Variants in ENO4 observed in about 807,000 individuals in gnomAD.
The protein encoded by ENO4 is 2-phospho-D-glycerate hydro-lyase.
A neutral mutation model predicts 63.2 loss-of-function variants in ENO4; 53 were observed. The ratio of observed to expected loss-of-function variants is 0.84; its 90% CI spans 0.67 to 1.05. ENO4 has a LOEUF of 1.05. Ranked by LOEUF, ENO4 falls within the 50% of genes least tolerant of loss-of-function variation. The pLI is 0.00. For synonymous variants in ENO4, 266 were observed against 283.8 expected (o/e 0.94, Z 0.63); for missense variants, 719 against 772.0 (o/e 0.93, Z 0.81).
At chr10:116,871,882 T>G (rs1187455795) in intron 9 of ENO4, among the ~76,000 whole-genome samples, 1 of 151,840 alleles carries the variant, frequency 6.6e-6, no homozygotes, top group Non-Finnish European at 1.5e-5. Flanking sequence ...CTAAAGAGAG[T>G]GAAAAACAGG....
At chr10:116,900,490 A>G (rs1564865662) in intron 10 of ENO4, 1 of 1,465,774 alleles carries the variant, frequency 6.8e-7, no homozygotes, top group East Asian at 2.5e-5. Context: ...TTGGAGAACA[A>G]AAGGCAGACA....
chr10:116,865,280 C>T (rs1464565073), intron 7 of ENO4, among the ~76,000 whole-genome samples: 6 of 151,992 alleles, frequency 3.9e-5, no homozygotes, highest in Admixed American at 1.3e-4. Context: ...CTCTGCTTTC[C>T]GGGTTCAAGC....
intron 1 of ENO4, among the ~76,000 whole-genome samples, chr10:116,854,940 C>CAAAAAAAAAAAA (rs71013620): frequency 9.6e-5 from 4 of 41,524 alleles, no homozygotes; most frequent in Admixed American, 4.3e-4. Flanking sequence ...GACCCTGTCT[C>CAAAAAAAAAAAA]AAAAAAAAAA....
chr10:116,883,435 T>A (rs569818658), downstream of ENO4: 6 of 152,236 alleles, frequency 3.9e-5, no homozygotes, highest in Non-Finnish European at 8.8e-5. Flanking sequence ...ATGCAGGGAC[T>A]GCTTGATGAG....
At chr10:116,881,430 T>C (rs1847006016) in intron 13 of ENO4, 85 bp from the exon 14 acceptor site, 1 of 1,079,794 alleles carries the variant, frequency 9.3e-7, no homozygotes, top group Admixed American at 2.8e-5. Flanking sequence ...GGACTAGTAC[T>C]GAAGATGATC....
At chr10:116,868,176 C>G (rs1378567427) in intron 7 of ENO4, among the ~76,000 whole-genome samples, 2 of 152,192 alleles carry the variant, frequency 1.3e-5, no homozygotes, top group Admixed American at 1.3e-4. Flanking sequence ...CAAAACCACC[C>G]TGCAGGAGAA....
chr10:116,882,347 T>C lies in ENO4; in HGVS notation c.*678T>C, dbSNP rs891296929. ...AATGAATTAATATTCTCAAGGTTAT[T>C]AAATGCCCAGTTATTCATACCACAG... On this transcript the variant is annotated 3_prime_UTR_variant, in exon 14 of 14. Transcript: ENST00000341276. 43 of 150,934 alleles carry C rather than the reference T, an allele frequency of 2.8e-4. No individual in the cohort carries two copies. Among genetic ancestry groups the C allele is most frequent in the African/African-American group, 1.0e-3 (42 of 40,902 alleles). 9.3% of individuals were successfully genotyped at this position (150,934 alleles called of 1,614,324 possible).
chr10:116,911,486 T>C (rs1478513353), intron 10 of ENO4: 4 of 1,550,316 alleles, frequency 2.6e-6, no homozygotes, highest in African/African-American at 2.7e-5. Flanking sequence ...TACGGACCCT[T>C]ACATATGGCC....
At chr10:116,864,999 A>G (rs1472613288) in intron 7 of ENO4, among the ~76,000 whole-genome samples, 1 of 151,874 alleles carries the variant, frequency 6.6e-6, no homozygotes, top group Non-Finnish European at 1.5e-5. Flanking sequence ...CAGCCTGGGC[A>G]ATAGAGTGAG....
chr10:116,881,569 C>T lies in ENO4; in HGVS notation c.1778C>T (p.Ala593Val), dbSNP rs905832855. The T allele has an allele frequency of 4.6e-5, 71 of 1,549,912 alleles. No homozygotes were observed. The highest frequency in any genetic ancestry group is 5.9e-5 in the Admixed American group (3 of 50,900). The change falls in exon 14 of 14, where the codon GCG (alanine) becomes GTG (valine). Residue 593 changes from alanine (A) to valine (V), a missense_variant. Ala to Val is a moderately conservative substitution (Grantham distance 64, BLOSUM62 0). Coordinates refer to ENST00000341276, the MANE Select transcript of ENO4 (RefSeq NM_001242699.2). The stretch of plus-strand genomic sequence containing the variant: ...TTTAATGAGGAAGCTGAAAAGGCTG[C>T]GGAGGCACTTGAGGCTGCTGCGGCT... ...FYFNEEAEKA[A>V]EALEAAAARE...
chr10:116,859,389 C>T (rs552321036), intron 4 of ENO4, among the ~76,000 whole-genome samples: 51 of 152,150 alleles, frequency 3.4e-4, no homozygotes, highest in African/African-American at 1.1e-3. Context: ...GTGCATTGAG[C>T]GGTGCCAAAT....
At chr10:116,899,506 G>GGTGTGTGTGTGTGTGTGTGTGTGTGTGT (rs370396879) in intron 10 of ENO4, among the ~76,000 whole-genome samples, 14 of 124,578 alleles carry the variant, frequency 1.1e-4, no homozygotes, top group African/African-American at 3.8e-4. Flanking sequence ...GGCTGGGGCT[G>GGTGTGTGTGTGTGTGTGTGTGTGTGTGT]GTGTGTGTGT....
In ENO4 at chr10:116,862,888, C is replaced by T. The variant is rs775252733; in HGVS notation, c.990+36C>T. ...AGATTCTATGTTATCTAGTTACTGA[C>T]ACTTAGACACCTTCTAGCATGCAAC... is the stretch of plus-strand genomic sequence containing the variant. On this transcript the variant is annotated intron_variant, in intron 7 of 13. Coordinates refer to ENST00000341276, the MANE Select transcript of ENO4 (RefSeq NM_001242699.2). The T allele has an allele frequency of 1.3e-5, 17 of 1,322,740 alleles. 1 individual carries two copies. In the South Asian group the frequency reaches 1.8e-4, roughly 14 times the overall value. 81.9% of individuals were successfully genotyped at this position (1,322,740 alleles called of 1,614,324 possible).
intron 10 of ENO4, among the ~76,000 whole-genome samples, chr10:116,907,577 G>T (rs1399787172): frequency 6.6e-6 from 1 of 152,126 alleles, no homozygotes; most frequent in Non-Finnish European, 1.5e-5. Flanking sequence ...TACTAGTCAA[G>T]TGTTTGTACA....
chr10:116,901,839 C>A (rs371326209), intron 10 of ENO4: 3 of 1,604,626 alleles, frequency 1.9e-6, no homozygotes, highest in East Asian at 2.3e-5. Flanking sequence ...TTGGGGGGGA[C>A]GGGCTGTTGA....
At chr10:116,861,244 T>A in intron 6 of ENO4, 54 bp downstream of exon 6, 3 of 400,938 alleles carry the variant, frequency 7.5e-6, no homozygotes, top group Non-Finnish European at 1.2e-5. Flanking sequence ...AAAATATATA[T>A]ATATATATAT....
chr10:116,891,440 T>C (rs567008689), intron 10 of ENO4, among the ~76,000 whole-genome samples: 1 of 152,278 alleles, frequency 6.6e-6, no homozygotes, highest in South Asian at 2.1e-4. Context: ...AGCCGGACGG[T>C]CTGAACTCTG....
intron 10 of ENO4, among the ~76,000 whole-genome samples, chr10:116,903,487 T>C (rs1413293788): frequency 6.6e-6 from 1 of 151,680 alleles, no homozygotes; most frequent in African/African-American, 2.4e-5. Flanking sequence ...ATCACGCCAC[T>C]GCACTCCAGC....
intron 4 of ENO4, among the ~76,000 whole-genome samples, chr10:116,859,639 C>T (rs934973899): frequency 1.3e-5 from 2 of 152,194 alleles, no homozygotes; most frequent in African/African-American, 4.8e-5. Context: ...GATTGCTAAC[C>T]TCAGCCCCTG....
Sources: allele counts gnomAD v4.1 joint callset (sites outside exome capture counted in the v4.1 genomes callset), GRCh38; gene constraint gnomAD v4.1.1; transcripts MANE v1.5; gene names NCBI Gene and HGNC (gene_info 2026-07-23, HGNC 2026-07-21).